GINS1: variants seen among roughly 807,000 people sequenced by gnomAD.
GINS1 encodes the protein DNA replication complex GINS protein PSF1.
Under a neutral mutation model 34.9 loss-of-function variants are expected in GINS1, and 26 were observed. The observed-to-expected ratio is 0.74, with a 90% confidence interval of 0.55 to 1.03. GINS1 has a LOEUF of 1.03. GINS1 is among the 50% of genes least tolerant of loss of function. GINS1 has a pLI of 0.00. For missense variants in GINS1, 235 were observed against 237.9 expected, an observed-to-expected ratio of 0.99 and a Z score of 0.08; for synonymous variants, 97 against 84.4, an observed-to-expected ratio of 1.15 and a Z score of -0.82.
intron 4 of GINS1, among the ~76,000 whole-genome samples, chr20:25,422,798 G>A (rs1400421766): frequency 1.3e-5 from 2 of 152,148 alleles, no homozygotes; most frequent in Non-Finnish European, 2.9e-5. Context: ...TGTTTAGACG[G>A]AGTTTTTTGC....
At chr20:25,430,852 G>A (rs2090423310) in intron 5 of GINS1, among the ~76,000 whole-genome samples, 2 of 152,202 alleles carry the variant, frequency 1.3e-5, no homozygotes, top group Non-Finnish European at 2.9e-5. Flanking sequence ...TTTTGCATCA[G>A]TGTTCATAAG....
Position 25,433,618 on chromosome 20 carries a change from C to T in GINS1, c.448-8084C>T, listed in dbSNP as rs13045437. On this transcript the variant is annotated intron_variant, in intron 5 of 6. Transcript: ENST00000262460. ...TAAAAAAATTTTTGATTTGCAGATA[C>T]GGAACCTACAGAGACAGAGGACCAA... Among the ~76,000 whole-genome samples the T allele has an allele frequency of 8.4e-3, 1,275 of 152,200 alleles. 11 individuals carry two copies. The highest frequency in any genetic ancestry group is 0.044 in the South Asian group (214 of 4,820).
At position 25,447,285 on chromosome 20, in the gene GINS1, C is replaced by T. The variant is rs6050624; in HGVS notation, c.*1294C>T. 5 of 152,092 alleles carry T rather than the reference C, an allele frequency of 3.3e-5. No homozygotes were observed. The East Asian group carries it at 9.8e-4, about 30-fold the overall frequency. The allele number at this position is 152,092 out of a possible 1,614,324, so 9.4% of individuals were successfully genotyped here. A position where few individuals can be genotyped will look rare whatever the true frequency, so the allele number is the denominator to read the frequency against. On this transcript the variant is annotated 3_prime_UTR_variant, in exon 7 of 7. Coordinates refer to ENST00000262460, the MANE Select transcript of GINS1 (RefSeq NM_021067.5). ...AAACTCCTGACCTCAAGTGACCCACCTTGGCCTCCCAAAGTTTTGGGATTA... is the reference window on the plus strand; with the variant it reads ...AAACTCCTGACCTCAAGTGACCCACTTTGGCCTCCCAAAGTTTTGGGATTA...
At chr20:25,440,656 C>T (rs573686187) in intron 5 of GINS1, among the ~76,000 whole-genome samples, 1 of 151,594 alleles carries the variant, frequency 6.6e-6, no homozygotes, top group South Asian at 2.1e-4. Context: ...ACTAAAAATA[C>T]AAAAATTAGT....
chr20:25,446,095 G>A lies in GINS1; in HGVS notation c.*104G>A. 1.6e-6 allele frequency: 1 copy of A among 614,060 alleles called. No individual in the cohort carries two copies. The allele number at this position is 614,060 out of a possible 1,614,324, so 38.0% of individuals were successfully genotyped here. A position where few individuals can be genotyped will look rare whatever the true frequency, so the allele number is the denominator to read the frequency against. Reference sequence around the variant, plus strand: ...TCCCTCTTTGATTTTAGAAGCTATAGACATTGTTTAAGATAACTAAGAATA... The same window carrying A: ...TCCCTCTTTGATTTTAGAAGCTATAAACATTGTTTAAGATAACTAAGAATA... On this transcript the variant is annotated 3_prime_UTR_variant, in exon 7 of 7. Coordinates refer to ENST00000262460, the MANE Select transcript of GINS1 (RefSeq NM_021067.5).
At chr20:25,407,988 T>C in intron 1 of GINS1, 93 bp downstream of exon 1, 1 of 892,522 alleles carries the variant, frequency 1.1e-6, no homozygotes, top group South Asian at 1.4e-5. Flanking sequence ...CTTTCGCACC[T>C]TGTTCCCTCC....
At chr20:25,424,663 A>G (rs1344413863) in intron 4 of GINS1, among the ~76,000 whole-genome samples, 1 of 152,136 alleles carries the variant, frequency 6.6e-6, no homozygotes, top group African/African-American at 2.4e-5. Context: ...GAAATCCCGA[A>G]TCTACTTTCT....
intron 6 of GINS1, among the ~76,000 whole-genome samples, chr20:25,443,952 C>T (rs568871981): frequency 9.2e-5 from 13 of 140,684 alleles, no homozygotes; most frequent in African/African-American, 2.9e-4. Flanking sequence ...AGATCATTCA[C>T]ATACTCTAAA....
At chr20:25,429,917 T>C (rs1242025890) in intron 5 of GINS1, among the ~76,000 whole-genome samples, 2 of 152,208 alleles carry the variant, frequency 1.3e-5, no homozygotes, top group Non-Finnish European at 2.9e-5. Context: ...CTTTCAGTCT[T>C]TCTTTTTCTT....
intron 4 of GINS1, among the ~76,000 whole-genome samples, chr20:25,422,993 T>G (rs1384696284): frequency 6.6e-6 from 1 of 152,148 alleles, no homozygotes; most frequent in Non-Finnish European, 1.5e-5. Context: ...GTCAGGCTGG[T>G]CTTGAACTCC....
chr20:25,429,972 G>C (rs533889538), intron 5 of GINS1, among the ~76,000 whole-genome samples: 17 of 152,274 alleles, frequency 1.1e-4, no homozygotes, highest in Admixed American at 6.5e-4. Context: ...GAGTGCAGTG[G>C]CACAATCTCA....
intron 5 of GINS1, among the ~76,000 whole-genome samples, chr20:25,425,713 CAAAATGGAAAATCAATG>C (rs1433586413): frequency 1.6e-4 from 24 of 151,340 alleles, no homozygotes; most frequent in African/African-American, 3.4e-4. Context: ...AAAGTTAAAT[CAAAATGGAAAATCAATG>C]CTAAATTTTG....
At chr20:25,439,716 G>C (rs890441685) in intron 5 of GINS1, among the ~76,000 whole-genome samples, 1 of 152,026 alleles carries the variant, frequency 6.6e-6, no homozygotes, top group Non-Finnish European at 1.5e-5. Flanking sequence ...ATTAATTAAG[G>C]CTGGGCACGG....
Position 25,407,869 on chromosome 20 carries a change from C to T in GINS1, c.49C>T (p.Pro17Ser), listed in dbSNP as rs780906969. 3.1e-6 allele frequency: 5 copies of T among 1,613,874 alleles called. No homozygotes were observed. The highest frequency in any genetic ancestry group is 1.7e-6 in the Non-Finnish European group (2 of 1,179,840). The change falls in exon 1 of 7, where the codon CCC (proline) becomes TCC (serine). Residue 17 changes from proline to serine, a missense_variant. By Grantham distance (74) the Pro-to-Ser change is moderately conservative. Coordinates refer to ENST00000262460, the MANE Select transcript of GINS1 (RefSeq NM_021067.5). ...ACTGATCCGCGAGCTGCATCGCGCG[C>T]CCGAAGGGCAACTGCCTGCCTTCAA... The part of the protein sequence containing the change: ...MELIRELHRA[P>S]EGQLPAFNED...
chr20:25,416,775 CTT>C (rs532727173), intron 2 of GINS1, among the ~76,000 whole-genome samples: 159 of 152,302 alleles, frequency 1.0e-3, no homozygotes, highest in African/African-American at 3.7e-3. Flanking sequence ...AGCTTTGTCT[CTT>C]ATCTCAGCGT....
chr20:25,442,814 C>T (rs1229802772), intron 6 of GINS1, among the ~76,000 whole-genome samples: 2 of 151,750 alleles, frequency 1.3e-5, no homozygotes, highest in Non-Finnish European at 2.9e-5. Flanking sequence ...ACCAGTTGGC[C>T]AGGCTGGTCT....
intron 4 of GINS1, among the ~76,000 whole-genome samples, chr20:25,423,124 G>GT (rs977523181): frequency 2.0e-4 from 28 of 140,566 alleles, no homozygotes; most frequent in East Asian, 6.5e-4. Flanking sequence ...TTTTTTTTTT[G>GT]TTTTTTTTGA....
Position 25,413,779 on chromosome 20 carries a change from A to G in GINS1, c.76-11A>G, listed in dbSNP as rs999195089. 6 of 1,520,574 alleles carry G rather than the reference A, an allele frequency of 3.9e-6. No homozygotes were observed. In the Middle Eastern group the frequency reaches 5.1e-4, roughly 129 times the overall value. 94.2% of individuals were successfully genotyped at this position (1,520,574 alleles called of 1,614,324 possible). ...AATCAGTGGATTTCAATATCGGTTTATATGTTCTAGGAGGATGGACTCAGA... is the reference window on the plus strand; with the variant it reads ...AATCAGTGGATTTCAATATCGGTTTGTATGTTCTAGGAGGATGGACTCAGA... On this transcript the variant is annotated splice_polypyrimidine_tract_variant and intron_variant, in intron 1 of 6. Transcript: ENST00000262460.
rs186822019 is a variant in GINS1 at position 25,410,649 on chromosome 20, G to A, written c.75+2754G>A. Among the ~76,000 whole-genome samples, 8 of 150,500 alleles carry A rather than the reference G, an allele frequency of 5.3e-5. No homozygotes were observed. In the East Asian group the frequency reaches 8.0e-4, roughly 15 times the overall value. ...GTGATCTCGGCTCACTGCAACCTCC[G>A]CCTTCTGGGTTAAGCAATTCTCCTG... is the stretch of plus-strand genomic sequence containing the variant. On this transcript the variant is annotated intron_variant, in intron 1 of 6. Coordinates refer to ENST00000262460, the MANE Select transcript of GINS1 (RefSeq NM_021067.5).
Sources: allele counts gnomAD v4.1 joint callset (sites outside exome capture counted in the v4.1 genomes callset), GRCh38; gene constraint gnomAD v4.1.1; transcripts MANE v1.5; gene names NCBI Gene and HGNC (gene_info 2026-07-23, HGNC 2026-07-21).